The following LATS1 variants were observed in gnomAD, a reference collection of about 807,000 sequenced individuals.
LATS1 encodes large tumor suppressor kinase 1.
Under a neutral mutation model 106.6 loss-of-function variants are expected in LATS1, and 25 were observed. The observed-to-expected ratio is 0.23, with a 90% CI of 0.17 to 0.33. LATS1 has a LOEUF of 0.33. Among genes scored for constraint, LATS1 ranks in the 10% least tolerant of loss-of-function variants. The pLI, the probability that LATS1 is intolerant of heterozygous loss-of-function variation, is 1.00. For missense variants in LATS1, 1,040 were observed against 1,382.6 expected (o/e 0.75, Z 3.93); for synonymous variants, 465 against 455.6 (o/e 1.02, Z -0.26).
chr6:149,709,126 C>T (rs1378282141), intron 1 of LATS1, among the ~76,000 whole-genome samples: 1 of 152,126 alleles, frequency 6.6e-6, no homozygotes, highest in Non-Finnish European at 1.5e-5. Context: ...CTCCTCCCAG[C>T]CAAGAGCATT....
In LATS1 at chr6:149,683,839, T is replaced by C. The variant is rs1782199406; in HGVS notation, c.1250A>G (p.His417Arg). 1 of 1,614,132 alleles carries C rather than the reference T, an allele frequency of 6.2e-7. No individual in the cohort carries two copies. The highest frequency in any genetic ancestry group is 8.5e-7 in the Non-Finnish European group (1 of 1,180,042). ...ACTAATGTTATATAGTTCCATGTTA[T>C]GACTATTTCTGTTTGGCACCATCAT... ...QSMMVPNRNS[H>R]NMELYNISVP... The change falls in exon 4 of 8, where the codon CAT becomes CGT. Residue 417 changes from histidine (H) to arginine (R), a missense_variant. His to Arg is a conservative substitution (Grantham distance 29, BLOSUM62 0). Around this residue, in one of 7 missense-constraint regions of LATS1, gnomAD observed 624 missense variants for 714.8 expected, o/e 0.87. Coordinates refer to ENST00000543571, the MANE Select transcript of LATS1 (RefSeq NM_004690.4).
Position 149,684,373 on chromosome 6 carries a change from G to C in LATS1, c.716C>G (p.Pro239Arg), listed in dbSNP as rs1281900397. Reference protein sequence around the residue: ...SNGQRVNPPPPPQVRSVTPPP... With the variant: ...SNGQRVNPPPRPQVRSVTPPP... ...AGGAGTAACACTCCTTACTTGAGGT[G>C]GTGGTGGGGGGTTCACTCTCTGTCC... The change falls in exon 4 of 8, where the codon CCA (proline) becomes CGA (arginine). Residue 239 changes from proline (P) to arginine (R), a missense_variant. Around this residue, in one of 7 missense-constraint regions of LATS1, gnomAD observed 624 missense variants for 714.8 expected, o/e 0.87. Coordinates refer to ENST00000543571, the MANE Select transcript of LATS1 (RefSeq NM_004690.4). 1 of 1,614,030 alleles carries C rather than the reference G, an allele frequency of 6.2e-7. No homozygotes were observed.
In LATS1 at chr6:149,662,363, CT is replaced by C. The variant is rs939703122; in HGVS notation, c.2884-126del. 5.6e-6 allele frequency: 5 copies of C among 886,458 alleles called. No homozygotes were observed. In the African/African-American group the frequency reaches 8.5e-5, roughly 15 times the overall value. 54.9% of individuals were successfully genotyped at this position (886,458 alleles called of 1,614,324 possible). A position where few individuals can be genotyped will look rare whatever the true frequency, so the allele number is the denominator to read the frequency against. On this transcript the variant is annotated intron_variant, in intron 7 of 7. Coordinates refer to ENST00000543571, the MANE Select transcript of LATS1 (RefSeq NM_004690.4). ...TTTAAATAAATTACATGATATTTTG[CT>C]GGAAAATAATTTTTTCTCCTATCCC...
Position 149,691,832 on chromosome 6 carries a change from T to C in LATS1, c.496+3242A>G, listed in dbSNP as rs143068680. ...TTATGATCTTTCCCACCCAATTCCA[T>C]TCTCTCTTAACATTCCCTTTCTTAA... is the stretch of plus-strand genomic sequence containing the variant. On this transcript the variant is annotated intron_variant, in intron 3 of 7. Coordinates refer to ENST00000543571, the MANE Select transcript of LATS1 (RefSeq NM_004690.4). Among the ~76,000 whole-genome samples, 1,321 of 152,270 alleles carry C rather than the reference T, an allele frequency of 8.7e-3. 23 individuals are homozygous for C. Among genetic ancestry groups the C allele is most frequent in the African/African-American group, 0.03 (1,244 of 41,546 alleles).
intron 1 of LATS1, among the ~76,000 whole-genome samples, chr6:149,713,003 T>A (rs184308008): frequency 9.0e-4 from 136 of 151,868 alleles, no homozygotes; most frequent in African/African-American, 2.9e-3. Context: ...CCAGAAAAAA[T>A]AAATAAATAA....
intron 7 of LATS1, among the ~76,000 whole-genome samples, chr6:149,675,182 A>C (rs1582856994): frequency 6.6e-6 from 1 of 150,460 alleles, no homozygotes; most frequent in African/African-American, 2.5e-5. Context: ...ACGCCACTGC[A>C]CTCTAGCCTG....
intron 2 of LATS1, among the ~76,000 whole-genome samples, chr6:149,695,968 G>A (rs952114052): frequency 1.3e-5 from 2 of 151,406 alleles, no homozygotes; most frequent in East Asian, 2.0e-4. Flanking sequence ...GCAATGGTGC[G>A]ATCTTGGCTC....
chr6:149,713,346 G>A (rs1465642071), intron 1 of LATS1, among the ~76,000 whole-genome samples: 1 of 151,766 alleles, frequency 6.6e-6, no homozygotes, highest in African/African-American at 2.4e-5. Context: ...CCAGGCTGGA[G>A]TGCAATGGTG....
chr6:149,712,751 T>C (rs1019297832), intron 1 of LATS1, among the ~76,000 whole-genome samples: 1 of 152,140 alleles, frequency 6.6e-6, no homozygotes, highest in African/African-American at 2.4e-5. Flanking sequence ...TCCAAAACTT[T>C]TGGAGGCTGA....
At chr6:149,701,706 A>T in intron 2 of LATS1, 73 bp downstream of exon 2, 1 of 1,085,734 alleles carries the variant, frequency 9.2e-7, no homozygotes, top group Admixed American at 2.3e-5. Context: ...ACATTTTGGC[A>T]TGTTATCACC....
At chr6:149,717,740 C>G (rs1784494703) in intron 1 of LATS1, 109 bp downstream of exon 1, 1 of 237,900 alleles carries the variant, frequency 4.2e-6, no homozygotes, top group African/African-American at 2.4e-5. Context: ...GCCCGCCAGT[C>G]CAAACCTCTG....
At chr6:149,713,387 C>T (rs763011849) in intron 1 of LATS1, among the ~76,000 whole-genome samples, 19 of 151,976 alleles carry the variant, frequency 1.3e-4, no homozygotes, top group Non-Finnish European at 2.1e-4. Context: ...CTCTGCCTCC[C>T]GGGTTCAAGC....
intron 2 of LATS1, among the ~76,000 whole-genome samples, chr6:149,698,017 G>A (rs1002866947): frequency 2.6e-5 from 4 of 152,136 alleles, no homozygotes; most frequent in Admixed American, 6.6e-5. Context: ...TGGCATTACC[G>A]GTGTGAGCCA....
chr6:149,715,358 C>A (rs1257985355), intron 1 of LATS1, among the ~76,000 whole-genome samples: 2 of 152,150 alleles, frequency 1.3e-5, no homozygotes, highest in African/African-American at 4.8e-5. Flanking sequence ...TGAGCCACTG[C>A]GCCCGGCTAG....
At chr6:149,665,419 G>C (rs1392546219) in intron 7 of LATS1, among the ~76,000 whole-genome samples, 3 of 152,116 alleles carry the variant, frequency 2.0e-5, no homozygotes, top group East Asian at 1.9e-4. Flanking sequence ...AATCTCTGTT[G>C]CTCGTTTTCT....
At chr6:149,667,431 T>A (rs1266609386) in intron 7 of LATS1, among the ~76,000 whole-genome samples, 1 of 64,874 alleles carries the variant, frequency 1.5e-5, no homozygotes, top group African/African-American at 7.6e-5. Context: ...AAAACAAGAC[T>A]GTATCTCAAA....
At chr6:149,702,307 A>C (rs1783508506) in intron 1 of LATS1, 41 bp from the exon 2 acceptor site, 1 of 544,264 alleles carries the variant, frequency 1.8e-6, no homozygotes. Context: ...AAAGTGGTTA[A>C]TACAGCAGTA....
chr6:149,664,931 C>T (rs1781063176), intron 7 of LATS1, among the ~76,000 whole-genome samples: 1 of 152,150 alleles, frequency 6.6e-6, no homozygotes, highest in African/African-American at 2.4e-5. Context: ...GCACAGAGAG[C>T]TCTAGGAGAA....
At chr6:149,675,360 G>A (rs921369376) in intron 7 of LATS1, among the ~76,000 whole-genome samples, 3 of 152,084 alleles carry the variant, frequency 2.0e-5, no homozygotes, top group African/African-American at 4.8e-5. Context: ...TTTAACCCAC[G>A]GACAATCACT....
Sources: allele counts gnomAD v4.1 joint callset (sites outside exome capture counted in the v4.1 genomes callset), GRCh38; gene constraint gnomAD v4.1.1; regional missense constraint gnomAD v4.1.1; transcripts MANE v1.5; gene names NCBI Gene and HGNC (gene_info 2026-07-23, HGNC 2026-07-21).